Variants in SORCS1 observed in about 807,000 individuals in gnomAD.
The protein encoded by SORCS1 is VPS10 domain-containing receptor SorCS1.
SORCS1 carries 60 observed loss-of-function variants against 146.1 expected under a neutral mutation model. The ratio of observed to expected loss-of-function variants is 0.41; its 90% CI spans 0.33 to 0.51. The LOEUF is 0.51. Among genes scored for constraint, SORCS1 ranks in the 20% least tolerant of loss-of-function variants. SORCS1 has a pLI of 0.21. For missense variants in SORCS1, 1,352 were observed against 1,487.6 expected (o/e 0.91, Z 1.50); for synonymous variants, 637 against 584.0 (o/e 1.09, Z -1.31).
chr10:106,700,630 C>A lies in SORCS1; in HGVS notation c.1234-1237G>T, dbSNP rs191375632. On this transcript the variant is annotated intron_variant, in intron 8 of 25. Transcript: ENST00000263054. ...TCCAGTGCGGGGAAATTCCACCTAA[C>A]TACTAACCTAAATTTCTTATTGTCA... is the stretch of plus-strand genomic sequence containing the variant. Among the ~76,000 whole-genome samples, 6 of 152,282 alleles carry A rather than the reference C, an allele frequency of 3.9e-5. No homozygotes were observed. In the East Asian group the frequency reaches 1.2e-3, roughly 29 times the overall value.
intron 3 of SORCS1, among the ~76,000 whole-genome samples, chr10:106,817,618 C>T (rs1201473328): frequency 1.3e-5 from 2 of 152,130 alleles, no homozygotes; most frequent in Non-Finnish European, 2.9e-5. Flanking sequence ...ATTTTATGAG[C>T]TTTAAGAGGC....
rs143761401 is a variant in SORCS1, at chr10:107,082,970, G to A, written c.558+80999C>T. ...AAATACAAAAAAAAATTAGCCAGGC[G>A]TGGTGGCGGGCACCTGTAGTCCCAG... On this transcript the variant is annotated intron_variant, in intron 1 of 25. Transcript: ENST00000263054. Among the ~76,000 whole-genome samples, 931 of 151,976 alleles carry A rather than the reference G, an allele frequency of 6.1e-3. 7 individuals are homozygous for A. Among genetic ancestry groups the A allele is most frequent in the African/African-American group, 0.02 (839 of 41,470 alleles).
chr10:106,712,725 T>C (rs1589718284), intron 6 of SORCS1, among the ~76,000 whole-genome samples: 1 of 152,356 alleles, frequency 6.6e-6, no homozygotes, highest in Middle Eastern at 3.4e-3. Context: ...TTCATAATGA[T>C]GAGAAATTTT....
At chr10:106,726,808 C>G (rs995975898) in intron 6 of SORCS1, among the ~76,000 whole-genome samples, 2 of 152,120 alleles carry the variant, frequency 1.3e-5, no homozygotes, top group Non-Finnish European at 2.9e-5. Context: ...GACTCTCGGC[C>G]GGGTGCGGTG....
intron 3 of SORCS1, among the ~76,000 whole-genome samples, chr10:106,796,663 G>T (rs1946572702): frequency 6.6e-6 from 1 of 152,132 alleles, no homozygotes; most frequent in Non-Finnish European, 1.5e-5. Flanking sequence ...GACAGTTGGG[G>T]GTGGGGAGAA....
chr10:107,129,359 A>G, intron 1 of SORCS1, among the ~76,000 whole-genome samples: 1 of 152,244 alleles, frequency 6.6e-6, no homozygotes, highest in East Asian at 1.9e-4. Flanking sequence ...ATCAGGCTCA[A>G]GCGAGAGCTG....
intron 2 of SORCS1, among the ~76,000 whole-genome samples, chr10:106,953,993 G>A (rs1954821388): frequency 6.6e-6 from 1 of 152,194 alleles, no homozygotes; most frequent in African/African-American, 2.4e-5. Flanking sequence ...CTAATGGGAT[G>A]TGATGCCATT....
At chr10:106,630,033 G>T (rs1848347557) in intron 18 of SORCS1, among the ~76,000 whole-genome samples, 1 of 152,098 alleles carries the variant, frequency 6.6e-6, no homozygotes, top group South Asian at 2.1e-4. Context: ...GATGGAGTGA[G>T]ACTCCGTCTC....
Position 106,671,300 on chromosome 10 carries a change from T to C in SORCS1, c.2126A>G (p.Gln709Arg). The change falls in exon 16 of 26, where the codon CAA (glutamine) becomes CGA (arginine). Residue 709 changes from glutamine to arginine, a missense_variant. Gln to Arg is a conservative substitution (Grantham distance 43, BLOSUM62 1). This residue lies in a region of SORCS1 where 648 missense variants were observed against 793.8 expected (regional missense o/e 0.82). Transcript: ENST00000263054. ...KKRKSERKCMQGKYAGAMESE... is the reference protein window; with the variant it reads ...KKRKSERKCMRGKYAGAMESE... ...TTCCATAGCTCCTGCATATTTTCCT[T>C]GCATACACTTCCGCTCTGATTTTCG... The C allele has an allele frequency of 6.2e-7, 1 of 1,614,180 alleles. No individual in the cohort carries two copies. Among genetic ancestry groups the C allele is most frequent in the Non-Finnish European group, 8.5e-7 (1 of 1,180,002 alleles).
intron 24 of SORCS1, among the ~76,000 whole-genome samples, chr10:106,590,604 C>G (rs1845541555): frequency 6.6e-6 from 1 of 152,154 alleles, no homozygotes; most frequent in South Asian, 2.1e-4. Context: ...TCAGGGCCTT[C>G]CAGATTCTTG....
intron 3 of SORCS1, among the ~76,000 whole-genome samples, chr10:106,791,104 T>G (rs187471341): frequency 6.6e-6 from 1 of 152,254 alleles, no homozygotes; most frequent in East Asian, 1.9e-4. Context: ...AGACACAAAG[T>G]GGGAGAAAGA....
At chr10:106,675,959 T>C (rs1589639166) in intron 13 of SORCS1, among the ~76,000 whole-genome samples, 1 of 152,218 alleles carries the variant, frequency 6.6e-6, no homozygotes, top group African/African-American at 2.4e-5. Context: ...ATTTTGATAC[T>C]GGACATCTCA....
chr10:106,610,160 C>T (rs1846880632), intron 22 of SORCS1, among the ~76,000 whole-genome samples: 1 of 152,060 alleles, frequency 6.6e-6, no homozygotes, highest in African/African-American at 2.4e-5. Flanking sequence ...GGTGGCATTG[C>T]TCAGAGGCAC....
rs1335278625 is a variant in SORCS1, at chr10:106,989,670, G to GTTTTT, written c.559-33095_559-33091dup. The stretch of plus-strand genomic sequence containing the variant: ...CTCTTTATATACTCATATTTTTTCT[G>GTTTTT]TTTTTTTTTGTTTTTTTTTTTTTTT... On this transcript the variant is annotated intron_variant, in intron 1 of 25. Transcript: ENST00000263054. 5.0e-4 allele frequency among the ~76,000 whole-genome samples: 58 copies of GTTTTT among 116,428 alleles called. 6 individuals carry two copies. The highest frequency in any genetic ancestry group is 2.5e-3 in the African/African-American group (56 of 22,202). 76.4% of individuals were successfully genotyped at this position (116,428 alleles called of 152,430 possible). A position where few individuals can be genotyped will look rare whatever the true frequency, so the allele number is the denominator to read the frequency against.
intron 2 of SORCS1, among the ~76,000 whole-genome samples, chr10:106,856,502 G>A (rs1949792969): frequency 6.6e-6 from 1 of 152,182 alleles, no homozygotes. Flanking sequence ...GTTATGGTCT[G>A]ACAGATCCCC....
intron 2 of SORCS1, among the ~76,000 whole-genome samples, chr10:106,954,114 C>A (rs1236271862): frequency 6.6e-6 from 1 of 152,226 alleles, no homozygotes; most frequent in African/African-American, 2.4e-5. Flanking sequence ...TGAGCTTCCA[C>A]AGTCTAGGGC....
intron 1 of SORCS1, among the ~76,000 whole-genome samples, chr10:107,006,449 T>C (rs1957446559): frequency 6.6e-6 from 1 of 151,966 alleles, no homozygotes; most frequent in Non-Finnish European, 1.5e-5. Context: ...CCCAGAAGGG[T>C]AATAAGTAGT....
At chr10:106,613,208 C>T (rs536333854) in intron 21 of SORCS1, among the ~76,000 whole-genome samples, 6 of 152,168 alleles carry the variant, frequency 3.9e-5, no homozygotes, top group South Asian at 4.1e-4. Context: ...CTCTGTAGCA[C>T]CTGAGTTAGT....
At chr10:106,961,568 C>T (rs773707445) in intron 1 of SORCS1, among the ~76,000 whole-genome samples, 12 of 152,188 alleles carry the variant, frequency 7.9e-5, no homozygotes, top group African/African-American at 1.7e-4. Context: ...ACAGAAAGTG[C>T]GATGGAAGTG....
Sources: gnomAD v4.1 joint callset for allele counts (sites outside exome capture counted in the v4.1 genomes callset) on GRCh38, gnomAD v4.1.1 for gene constraint, gnomAD v4.1.1 regional missense constraint, MANE v1.5 for transcripts, NCBI Gene and HGNC (gene_info 2026-07-23, HGNC 2026-07-21) for gene names.